KCNQ1OT1: variants seen among roughly 807,000 people sequenced by gnomAD.
KCNQ1OT1 encodes KCNQ1 antisense RNA 2 (non-protein coding).
At position 2,676,485 on chromosome 11, in the gene KCNQ1OT1, T is replaced by A. The variant is rs1850296936; in HGVS notation, n.23510A>T. 2 of 398,704 alleles carry A rather than the reference T, an allele frequency of 5.0e-6. No homozygotes were observed. Among genetic ancestry groups the A allele is most frequent in the Non-Finnish European group, 8.8e-6 (2 of 226,100 alleles). 24.7% of individuals were successfully genotyped at this position (398,704 alleles called of 1,614,324 possible). ...ATTGTTAGCTGTAGTCTTTCTGGCA[T>A]CAGTTCCATTTCTGGTGAACACTTG... On this transcript the variant is annotated non_coding_transcript_exon_variant, in exon 1 of 1. Coordinates refer to ENST00000597346, the Ensembl canonical transcript of KCNQ1OT1. This position sits in a 1 kb window ranked among gnomAD's most constrained non-coding sequence, Gnocchi z 4.2.
rs3831584 is a variant in KCNQ1OT1 at position 2,682,475 on chromosome 11, C to CGAGTGAGTGAGT, written n.17508_17519dup. ...TCACGGACCCTCAGTGAATGTTTGA[C>CGAGTGAGTGAGT]GAGTGAGTGAGTGAGTGAGTGAGTG... On this transcript the variant is annotated non_coding_transcript_exon_variant, in exon 1 of 1. Coordinates refer to ENST00000597346, the Ensembl canonical transcript of KCNQ1OT1. The surrounding 1 kb of genome is among the most constrained non-coding windows in gnomAD (Gnocchi z 5.8). The CGAGTGAGTGAGT allele has an allele frequency of 0.11, 41,633 of 393,992 alleles. 2,338 individuals are homozygous for CGAGTGAGTGAGT. The highest frequency in any genetic ancestry group is 0.16 in the African/African-American group (7,604 of 47,778). The allele number at this position is 393,992 out of a possible 1,614,324, so 24.4% of individuals were successfully genotyped here.
At chr11:2,656,772 A>G (rs1291637494) in exon 1 of KCNQ1OT1, 3 of 398,506 alleles carry the variant, frequency 7.5e-6, no homozygotes, top group African/African-American at 6.2e-5. Flanking sequence ...CTTCTTTTAA[A>G]AAAAACCATC....
At position 2,660,631 on chromosome 11, in the gene KCNQ1OT1, A is replaced by G. The variant is rs1849935375; in HGVS notation, n.39364T>C. 3 of 398,670 alleles carry G rather than the reference A, an allele frequency of 7.5e-6. No homozygotes were observed. In the East Asian group the frequency reaches 1.1e-4, roughly 14 times the overall value. 24.7% of individuals were successfully genotyped at this position (398,670 alleles called of 1,614,324 possible). A position where few individuals can be genotyped will look rare whatever the true frequency, so the allele number is the denominator to read the frequency against. ...ATGCCAAGCCCATAAAAGGTATTCA[A>G]CACAGATGGAAATAACAGCAATGCC... On this transcript the variant is annotated non_coding_transcript_exon_variant, in exon 1 of 1. Transcript: ENST00000597346.
rs980421314 is a variant in KCNQ1OT1, at chr11:2,659,004, A to G, written n.40991T>C. Reference sequence around the variant, plus strand: ...TCAAAACAGTGTTTTTGAAAGCAACATATGCCAGCTCCTCCTCCTCCTTTC... The same window carrying G: ...TCAAAACAGTGTTTTTGAAAGCAACGTATGCCAGCTCCTCCTCCTCCTTTC... On this transcript the variant is annotated non_coding_transcript_exon_variant, in exon 1 of 1. Transcript: ENST00000597346. This position sits in a 1 kb window ranked among gnomAD's most constrained non-coding sequence, Gnocchi z 4.3. 2 of 398,484 alleles carry G rather than the reference A, an allele frequency of 5.0e-6. No homozygotes were observed. The highest frequency in any genetic ancestry group is 3.6e-5 in the East Asian group (1 of 28,094). The allele number at this position is 398,484 out of a possible 1,614,324, so 24.7% of individuals were successfully genotyped here. A position where few individuals can be genotyped will look rare whatever the true frequency, so the allele number is the denominator to read the frequency against.
chr11:2,633,145 C>A (rs1849390835), exon 1 of KCNQ1OT1: 2 of 398,326 alleles, frequency 5.0e-6, no homozygotes, highest in Non-Finnish European at 8.8e-6. Flanking sequence ...GTGGCTTTGA[C>A]TTGCATTTCT....
chr11:2,644,981 G>A (rs902380386), exon 1 of KCNQ1OT1: 11 of 398,548 alleles, frequency 2.8e-5, no homozygotes, highest in Non-Finnish European at 1.8e-5. Context: ...CAATGGTAGT[G>A]TATGCTGGTA....
chr11:2,652,477 C>T lies in KCNQ1OT1; in HGVS notation n.47518G>A. ...CATCCAAAGACCTCCAGAAACTTTC[C>T]TCCCCACCTCTCCAGAGGTTTCTGG... On this transcript the variant is annotated non_coding_transcript_exon_variant, in exon 1 of 1. Coordinates refer to ENST00000597346, the Ensembl canonical transcript of KCNQ1OT1. This position sits in a 1 kb window ranked among gnomAD's most constrained non-coding sequence, Gnocchi z 5.9. The T allele has an allele frequency of 2.5e-6, 1 of 398,632 alleles. No homozygotes were observed. Among genetic ancestry groups the T allele is most frequent in the Non-Finnish European group, 4.4e-6 (1 of 226,080 alleles). The allele number at this position is 398,632 out of a possible 1,614,324, so 24.7% of individuals were successfully genotyped here. A position where few individuals can be genotyped will look rare whatever the true frequency, so the allele number is the denominator to read the frequency against.
In KCNQ1OT1 at chr11:2,664,397, G is replaced by T. The variant is rs761936320; in HGVS notation, n.35598C>A. 1 of 398,636 alleles carries T rather than the reference G, an allele frequency of 2.5e-6. No individual in the cohort carries two copies. The highest frequency in any genetic ancestry group is 4.4e-6 in the Non-Finnish European group (1 of 226,164). 24.7% of individuals were successfully genotyped at this position (398,636 alleles called of 1,614,324 possible). A position where few individuals can be genotyped will look rare whatever the true frequency, so the allele number is the denominator to read the frequency against. ...TACGGTCCCTCCAGAGAGGCCTGAAGGGGAGAGTGGGCACGTACAGTGTCA... is the reference window on the plus strand; with the variant it reads ...TACGGTCCCTCCAGAGAGGCCTGAATGGGAGAGTGGGCACGTACAGTGTCA... On this transcript the variant is annotated non_coding_transcript_exon_variant, in exon 1 of 1. Coordinates refer to ENST00000597346, the Ensembl canonical transcript of KCNQ1OT1. This position sits in a 1 kb window ranked among gnomAD's most constrained non-coding sequence, Gnocchi z 5.1.
Position 2,611,026 on chromosome 11 carries a change from C to G in KCNQ1OT1, n.88969G>C. 1 of 398,346 alleles carries G rather than the reference C, an allele frequency of 2.5e-6. No individual in the cohort carries two copies. The highest frequency in any genetic ancestry group is 3.6e-5 in the East Asian group (1 of 28,036). 24.7% of individuals were successfully genotyped at this position (398,346 alleles called of 1,614,324 possible). On this transcript the variant is annotated non_coding_transcript_exon_variant, in exon 1 of 1. Coordinates refer to ENST00000597346, the Ensembl canonical transcript of KCNQ1OT1. The surrounding 1 kb of genome is among the most constrained non-coding windows in gnomAD (Gnocchi z 5.3). Reference sequence around the variant, plus strand: ...TTATTGTTCAGTTGTCTGTTTCTCTCTTCATTTCTGACAGTTTTATTTCAT... The same window carrying G: ...TTATTGTTCAGTTGTCTGTTTCTCTGTTCATTTCTGACAGTTTTATTTCAT...
exon 1 of KCNQ1OT1, chr11:2,618,042 T>G (rs1444745847): frequency 2.0e-5 from 8 of 398,468 alleles, no homozygotes; most frequent in Non-Finnish European, 3.1e-5. Flanking sequence ...AGTTTGATGG[T>G]ATACCAATTA....
chr11:2,620,219 T>A lies in KCNQ1OT1; in HGVS notation n.79776A>T, dbSNP rs186335747. On this transcript the variant is annotated non_coding_transcript_exon_variant, in exon 1 of 1. Coordinates refer to ENST00000597346, the Ensembl canonical transcript of KCNQ1OT1. The surrounding 1 kb of genome is among the most constrained non-coding windows in gnomAD (Gnocchi z 4.5). ...TTCATGTATATATATATATTTTTTT[T>A]TTTTATTTTTTTTTTAGACGGAGTT... 3.2e-3 allele frequency: 881 copies of A among 274,350 alleles called. 3 individuals are homozygous for A. The highest frequency in any genetic ancestry group is 4.0e-3 in the Non-Finnish European group (610 of 153,776). The allele number at this position is 274,350 out of a possible 1,614,324, so 17.0% of individuals were successfully genotyped here. A position where few individuals can be genotyped will look rare whatever the true frequency, so the allele number is the denominator to read the frequency against.
Position 2,671,919 on chromosome 11 carries a change from T to C in KCNQ1OT1, n.28076A>G, listed in dbSNP as rs1850190214. The C allele has an allele frequency of 5.0e-6, 2 of 398,704 alleles. No homozygotes were observed. Among genetic ancestry groups the C allele is most frequent in the South Asian group, 1.3e-4 (1 of 7,864 alleles). The allele number at this position is 398,704 out of a possible 1,614,324, so 24.7% of individuals were successfully genotyped here. ...AGCCAGCCTGTGGGCCCCGCTATGC[T>C]TCCTCAGGCAGCTAGTCTCTGTATC... is the stretch of plus-strand genomic sequence containing the variant. On this transcript the variant is annotated non_coding_transcript_exon_variant, in exon 1 of 1. Transcript: ENST00000597346. This position sits in a 1 kb window ranked among gnomAD's most constrained non-coding sequence, Gnocchi z 4.7.
chr11:2,683,369 A>G lies in KCNQ1OT1; in HGVS notation n.16626T>C. 1 of 398,614 alleles carries G rather than the reference A, an allele frequency of 2.5e-6. No homozygotes were observed. The allele number at this position is 398,614 out of a possible 1,614,324, so 24.7% of individuals were successfully genotyped here. The stretch of plus-strand genomic sequence containing the variant: ...ACTGTGCCTGCCACTGCTGTCTGCA[A>G]ATGCAGGTTCCTGGGGCTCTGGGTG... On this transcript the variant is annotated non_coding_transcript_exon_variant, in exon 1 of 1. Coordinates refer to ENST00000597346, the Ensembl canonical transcript of KCNQ1OT1. The surrounding 1 kb of genome is among the most constrained non-coding windows in gnomAD (Gnocchi z 4.7).
rs953337026 is a variant in KCNQ1OT1 at position 2,685,115 on chromosome 11, G to C, written n.14880C>G. On this transcript the variant is annotated non_coding_transcript_exon_variant, in exon 1 of 1. Transcript: ENST00000597346. ...GGAAGGGGCCCTTTTGGCACGGGGGGTCTGATGGTCAGAGCTAATCAGGTG... is the reference window on the plus strand; with the variant it reads ...GGAAGGGGCCCTTTTGGCACGGGGGCTCTGATGGTCAGAGCTAATCAGGTG... 1.0e-5 allele frequency: 4 copies of C among 398,534 alleles called. No individual in the cohort carries two copies. In the Admixed American group the frequency reaches 1.8e-4, roughly 18 times the overall value. 24.7% of individuals were successfully genotyped at this position (398,534 alleles called of 1,614,324 possible). A position where few individuals can be genotyped will look rare whatever the true frequency, so the allele number is the denominator to read the frequency against.
chr11:2,662,662 G>T, exon 1 of KCNQ1OT1: 1 of 406,078 alleles, frequency 2.5e-6, no homozygotes, highest in Non-Finnish European at 4.3e-6. Context: ...CCTGCGACAT[G>T]TGACTCCCCG....
chr11:2,618,053 T>C, exon 1 of KCNQ1OT1: 1 of 398,598 alleles, frequency 2.5e-6, no homozygotes, highest in Non-Finnish European at 4.4e-6. Flanking sequence ...ATACCAATTA[T>C]TTGTTTTTGT....
At chr11:2,675,534 CA>C (rs1278371656) in exon 1 of KCNQ1OT1, 35 of 398,662 alleles carry the variant, frequency 8.8e-5, no homozygotes, top group African/African-American at 6.8e-4. Flanking sequence ...CTTCCAGAAT[CA>C]CTCCACTGGA....
In KCNQ1OT1 at chr11:2,653,952, C is replaced by T. The variant is rs1308713336; in HGVS notation, n.46043G>A. On this transcript the variant is annotated non_coding_transcript_exon_variant, in exon 1 of 1. Coordinates refer to ENST00000597346, the Ensembl canonical transcript of KCNQ1OT1. The surrounding 1 kb of genome is among the most constrained non-coding windows in gnomAD (Gnocchi z 5.3). ...CCTGGCTGCTGGCAGGCAAAAACAA[C>T]AGGTGTCCACTCAAGCAAGGTATTT... 2.5e-6 allele frequency: 1 copy of T among 398,582 alleles called. No homozygotes were observed. The highest frequency in any genetic ancestry group is 4.4e-5 in the Admixed American group (1 of 22,726). The allele number at this position is 398,582 out of a possible 1,614,324, so 24.7% of individuals were successfully genotyped here.
rs1255484083 is a variant in KCNQ1OT1, at chr11:2,617,316, G to A, written n.82679C>T. On this transcript the variant is annotated non_coding_transcript_exon_variant, in exon 1 of 1. Coordinates refer to ENST00000597346, the Ensembl canonical transcript of KCNQ1OT1. This position sits in a 1 kb window ranked among gnomAD's most constrained non-coding sequence, Gnocchi z 4.6. ...TCTTTTTAAGATTCTACATATAGGTGAGATTATTTAAAACTTTTCATTTGT... is the reference window on the plus strand; with the variant it reads ...TCTTTTTAAGATTCTACATATAGGTAAGATTATTTAAAACTTTTCATTTGT... 2.5e-6 allele frequency: 1 copy of A among 398,160 alleles called. No individual in the cohort carries two copies. The highest frequency in any genetic ancestry group is 4.4e-6 in the Non-Finnish European group (1 of 225,902). 24.7% of individuals were successfully genotyped at this position (398,160 alleles called of 1,614,324 possible). A position where few individuals can be genotyped will look rare whatever the true frequency, so the allele number is the denominator to read the frequency against.
Sources: allele counts gnomAD v4.1 joint callset, GRCh38; gene constraint gnomAD v4.1.1; non-coding constraint Gnocchi (gnomAD v3.1); transcripts MANE v1.5; gene names NCBI Gene and HGNC (gene_info 2026-07-23, HGNC 2026-07-21).